Variants in FGF10 observed in about 807,000 individuals in gnomAD.
FGF10 encodes FGF-10.
A neutral mutation model predicts 19.8 loss-of-function variants in FGF10; 2 were observed. The observed-to-expected ratio is 0.10, with a 90% confidence interval of 0.04 to 0.32. FGF10 has a LOEUF of 0.32. Among genes scored for constraint, FGF10 ranks in the 10% least tolerant of loss-of-function variants. The pLI is 1.00. For synonymous variants in FGF10, 112 were observed against 94.0 expected, an observed-to-expected ratio of 1.19 and a Z score of -1.10; for missense variants, 191 against 246.3, an observed-to-expected ratio of 0.78 and a Z score of 1.50.
At chr5:44,349,225 G>T (rs954338256) in intron 1 of FGF10, among the ~76,000 whole-genome samples, 1 of 149,968 alleles carries the variant, frequency 6.7e-6, no homozygotes. Flanking sequence ...GCCTCATTCT[G>T]TTTTGTTTCA....
intron 1 of FGF10, among the ~76,000 whole-genome samples, chr5:44,323,237 C>T (rs573450886): frequency 3.9e-5 from 6 of 152,224 alleles, no homozygotes; most frequent in Admixed American, 3.9e-4. Context: ...AAGAAGAGAG[C>T]ATCACACATC....
Position 44,376,518 on chromosome 5 carries a change from C to CAAAAAAA in FGF10, c.325+11839_325+11840insTTTTTTT, listed in dbSNP as rs1265124775. 5.5e-5 allele frequency among the ~76,000 whole-genome samples: 4 copies of CAAAAAAA among 72,694 alleles called. 1 individual carries two copies. The highest frequency in any genetic ancestry group is 1.1e-4 in the Non-Finnish European group (4 of 36,566). The allele number at this position is 72,694 out of a possible 152,430, so 47.7% of individuals were successfully genotyped here. Reference sequence around the variant, plus strand: ...AAAAAAAAAAAAAAAAAAAAAAAAACAAAAAACCCACAACTAGAGCAAGAA... The same window carrying CAAAAAAA: ...AAAAAAAAAAAAAAAAAAAAAAAAACAAAAAAAAAAAAACCCACAACTAGAGCAAGAA... On this transcript the variant is annotated intron_variant, in intron 1 of 2. Coordinates refer to ENST00000264664, the MANE Select transcript of FGF10 (RefSeq NM_004465.2).
chr5:44,334,067 A>G (rs1370696822), intron 1 of FGF10, among the ~76,000 whole-genome samples: 1 of 152,076 alleles, frequency 6.6e-6, no homozygotes, highest in South Asian at 2.1e-4. Context: ...TGCTGCTACA[A>G]CTAGGAGGGG....
intron 1 of FGF10, among the ~76,000 whole-genome samples, chr5:44,350,580 C>T (rs1484506674): frequency 6.6e-6 from 1 of 150,828 alleles, no homozygotes; most frequent in Non-Finnish European, 1.5e-5. Flanking sequence ...CATATACATA[C>T]ATACAACACA....
rs182666931 is a variant in FGF10, at chr5:44,346,498, A to G, written c.326-35968T>C. On this transcript the variant is annotated intron_variant, in intron 1 of 2. Coordinates refer to ENST00000264664, the MANE Select transcript of FGF10 (RefSeq NM_004465.2). ...AGCATGGCCTACATGACCAGGATCT[A>G]CTTTCCAAACTTCTCCCACTACTCT... Among the ~76,000 whole-genome samples the G allele has an allele frequency of 1.4e-3, 213 of 151,966 alleles. 1 individual carries two copies. The highest frequency in any genetic ancestry group is 2.2e-3 in the Non-Finnish European group (147 of 67,888).
intron 1 of FGF10, among the ~76,000 whole-genome samples, chr5:44,360,624 C>T (rs1741459126): frequency 6.6e-6 from 1 of 151,602 alleles, no homozygotes; most frequent in African/African-American, 2.4e-5. Flanking sequence ...TTTGCATCAA[C>T]AATTAGGAAT....
At chr5:44,345,538 T>G (rs1160874841) in intron 1 of FGF10, among the ~76,000 whole-genome samples, 1 of 151,584 alleles carries the variant, frequency 6.6e-6, no homozygotes, top group Non-Finnish European at 1.5e-5. Flanking sequence ...ACCTCAAGCT[T>G]TCCTCAAAAT....
chr5:44,337,796 C>A (rs1417595601), intron 1 of FGF10, among the ~76,000 whole-genome samples: 1 of 152,026 alleles, frequency 6.6e-6, no homozygotes, highest in Non-Finnish European at 1.5e-5. Context: ...AAAAAATTAG[C>A]CAGGCGTAGT....
intron 1 of FGF10, among the ~76,000 whole-genome samples, chr5:44,338,447 G>T (rs973961900): frequency 5.3e-5 from 8 of 151,722 alleles, no homozygotes; most frequent in African/African-American, 1.7e-4. Flanking sequence ...TAGAGTCCCT[G>T]CAGTGACCGG....
intron 1 of FGF10, among the ~76,000 whole-genome samples, chr5:44,329,433 C>T (rs1418416853): frequency 1.3e-5 from 2 of 152,046 alleles, no homozygotes; most frequent in Non-Finnish European, 2.9e-5. Flanking sequence ...CCTCGGCACC[C>T]CAAAGTGCTG....
chr5:44,344,365 AGCAATTG>A (rs368122979), intron 1 of FGF10, among the ~76,000 whole-genome samples: 1 of 151,052 alleles, frequency 6.6e-6, no homozygotes, highest in East Asian at 1.9e-4. Context: ...TAGCATTTTA[AGCAATTG>A]TATTTGTTAC....
intron 1 of FGF10, among the ~76,000 whole-genome samples, chr5:44,386,257 G>C (rs746501645): frequency 6.6e-5 from 10 of 152,222 alleles, no homozygotes; most frequent in Middle Eastern, 6.8e-3. Context: ...AGCAATTTAG[G>C]TTGTGTAAAC....
intron 1 of FGF10, among the ~76,000 whole-genome samples, chr5:44,343,395 T>C (rs1374608471): frequency 6.6e-6 from 1 of 151,982 alleles, no homozygotes; most frequent in Non-Finnish European, 1.5e-5. Flanking sequence ...TATTATCCAG[T>C]TTTATTCATG....
chr5:44,315,286 T>C (rs1408405722), intron 1 of FGF10, among the ~76,000 whole-genome samples: 9 of 151,820 alleles, frequency 5.9e-5, no homozygotes, highest in African/African-American at 2.2e-4. Context: ...AGAAGACAGC[T>C]GGTGTTTGAG....
rs2111688595 is a variant in FGF10, at chr5:44,310,547, TA to T, written c.326-18del. 6.6e-7 allele frequency: 1 copy of T among 1,510,322 alleles called. No individual in the cohort carries two copies. The highest frequency in any genetic ancestry group is 9.2e-7 in the Non-Finnish European group (1 of 1,086,878). The allele number at this position is 1,510,322 out of a possible 1,614,324, so 93.6% of individuals were successfully genotyped here. On this transcript the variant is annotated intron_variant, in intron 1 of 2. Transcript: ENST00000264664. Reference sequence around the variant, plus strand: ...CCAGGATGCCTAAAACATACAATTTTAAAAGGCTAAATAAAGAATCCTAAAT... The same window carrying T: ...CCAGGATGCCTAAAACATACAATTTTAAAGGCTAAATAAAGAATCCTAAAT...
intron 1 of FGF10, among the ~76,000 whole-genome samples, chr5:44,372,555 G>A (rs948167111): frequency 2.0e-5 from 3 of 152,084 alleles, no homozygotes; most frequent in Admixed American, 2.0e-4. Context: ...CTAAATTAAA[G>A]CCCAAAATCT....
At chr5:44,388,335 G>A (rs199700809) in intron 1 of FGF10, 23 bp downstream of exon 1, 354 of 1,606,050 alleles carry the variant, frequency 2.2e-4, no homozygotes, top group Non-Finnish European at 2.9e-4. Context: ...TTGGAAGGAG[G>A]GGAGCATGCA....
chr5:44,389,257 C>G lies in FGF10; in HGVS notation c.-575G>C, dbSNP rs2111943334. 6.3e-6 allele frequency: 1 copy of G among 159,514 alleles called. No individual in the cohort carries two copies. Among genetic ancestry groups the G allele is most frequent in the Admixed American group, 5.9e-5 (1 of 16,896 alleles). 9.9% of individuals were successfully genotyped at this position (159,514 alleles called of 1,614,324 possible). ...TGCCCAGTCGCCGTTGTTTTCTTCC[C>G]TCTCTTCCTTTCTGTTTTTAGTGGT... On this transcript the variant is annotated 5_prime_UTR_variant, in exon 1 of 3. Transcript: ENST00000264664.
At chr5:44,338,456 G>A (rs1044739521) in intron 1 of FGF10, among the ~76,000 whole-genome samples, 4 of 152,108 alleles carry the variant, frequency 2.6e-5, no homozygotes, top group Non-Finnish European at 4.4e-5. Context: ...TGCAGTGACC[G>A]GAGGTCTTCT....
Sources: gnomAD v4.1 joint callset for allele counts (sites outside exome capture counted in the v4.1 genomes callset) on GRCh38, gnomAD v4.1.1 for gene constraint, MANE v1.5 for transcripts, NCBI Gene and HGNC (gene_info 2026-07-23, HGNC 2026-07-21) for gene names.